PCDHA10: variants seen among roughly 807,000 people sequenced by gnomAD.
The protein encoded by PCDHA10 is protocadherin alpha 10, also known as protocadherin alpha-10.
A neutral mutation model predicts 61.2 loss-of-function variants in PCDHA10; 45 were observed. The observed-to-expected ratio is 0.74, with a 90% CI of 0.58 to 0.94. The LOEUF (loss-of-function observed/expected upper bound fraction) is 0.94. Ranked by LOEUF, PCDHA10 falls within the 40% of genes least tolerant of loss-of-function variation. The pLI is 0.00. For missense variants in PCDHA10, 1,278 were observed against 1,236.2 expected (o/e 1.03, Z -0.51); for synonymous variants, 602 against 548.8 (o/e 1.10, Z -1.35).
intron 1 of PCDHA10, chr5:140,877,279 T>G (rs782432213): frequency 1.2e-6 from 2 of 1,613,820 alleles, no homozygotes; most frequent in Non-Finnish European, 1.7e-6. Flanking sequence ...TGACTCCGGC[T>G]ATAACGCTTG....
chr5:140,995,788 T>C (rs1327222255), intron 3 of PCDHA10, among the ~76,000 whole-genome samples: 1 of 152,154 alleles, frequency 6.6e-6, no homozygotes, highest in Non-Finnish European at 1.5e-5. Context: ...GGTTTAAAAT[T>C]TGTCTCATGT....
chr5:140,869,838 A>G, intron 1 of PCDHA10: 6 of 1,611,734 alleles, frequency 3.7e-6, no homozygotes, highest in Non-Finnish European at 5.1e-6. Context: ...TTGATAAATC[A>G]GAATATAAGG....
rs781970935 is a variant in PCDHA10 at position 140,982,505 on chromosome 5, A to G, written c.2478A>G (p.Leu826=). The change falls in exon 3 of 4, where the codon CTA becomes CTG. Residue 826 remains leucine (L), a synonymous_variant. Coordinates refer to ENST00000307360, the MANE Select transcript of PCDHA10 (RefSeq NM_018901.4). ...TGCACCTAGAGGAGGCTGGCATTCT[A>G]CGGGCTGGTCCAGGAGGGCCTGATC... ...SSVHLEEAGI[L]RAGPGGPDQQ... The G allele has an allele frequency of 1.2e-6, 2 of 1,614,220 alleles. No homozygotes were observed. The highest frequency in any genetic ancestry group is 8.5e-7 in the Non-Finnish European group (1 of 1,180,032).
At position 140,964,709 on chromosome 5, in the gene PCDHA10, A is replaced by G. The variant is rs115609419; in HGVS notation, c.2389-14240A>G. On this transcript the variant is annotated intron_variant, in intron 1 of 3. Coordinates refer to ENST00000307360, the MANE Select transcript of PCDHA10 (RefSeq NM_018901.4). ...CACTTGAGAGATTAAGGCCTCCGAG[A>G]TCAAATTACCACAGCAAACTGAGAC... is the stretch of plus-strand genomic sequence containing the variant. Among the ~76,000 whole-genome samples the G allele has an allele frequency of 4.5e-3, 689 of 152,134 alleles. 3 individuals are homozygous for G. Among genetic ancestry groups the G allele is most frequent in the African/African-American group, 0.016 (667 of 41,492 alleles).
At chr5:140,871,595 C>A in intron 1 of PCDHA10, 1 of 1,454,324 alleles carries the variant, frequency 6.9e-7, no homozygotes, top group South Asian at 1.5e-5. Context: ...TTATGAATAA[C>A]CAGTGTTTTG....
In PCDHA10 at chr5:140,856,803, A is replaced by C. The variant is rs782347816; in HGVS notation, c.755A>C (p.Glu252Ala). Residue 252 changes from glutamate (E) to alanine (A), a missense_variant, in exon 1 of 4, where the codon GAA (glutamate) becomes GCA (alanine). Glu to Ala is a moderately radical substitution (Grantham distance 107, BLOSUM62 -1). Coordinates refer to ENST00000307360, the MANE Select transcript of PCDHA10 (RefSeq NM_018901.4). Reference protein sequence around the residue: ...DRPVYEVKMYENQVNQTLVIR... With the variant: ...DRPVYEVKMYANQVNQTLVIR... ...CCGGTTTATGAAGTTAAGATGTATGAAAATCAAGTGAACCAAACATTAGTA... is the reference window on the plus strand; with the variant it reads ...CCGGTTTATGAAGTTAAGATGTATGCAAATCAAGTGAACCAAACATTAGTA... 9.4e-6 allele frequency: 15 copies of C among 1,595,568 alleles called. 2 individuals are homozygous for C. In the Admixed American group the frequency reaches 1.2e-4, roughly 13 times the overall value.
At chr5:141,001,261 CTT>C (rs1437571267) in intron 3 of PCDHA10, among the ~76,000 whole-genome samples, 1 of 152,062 alleles carries the variant, frequency 6.6e-6, no homozygotes, top group East Asian at 1.9e-4. Flanking sequence ...GGCGGGCACT[CTT>C]ATGAACTTTT....
Position 140,967,485 on chromosome 5 carries a change from C to T in PCDHA10, c.2389-11464C>T, listed in dbSNP as rs781948599. 7 of 1,613,056 alleles carry T rather than the reference C, an allele frequency of 4.3e-6. No individual in the cohort carries two copies. The South Asian group carries it at 5.5e-5, about 13-fold the overall frequency. On this transcript the variant is annotated intron_variant, in intron 1 of 3. Coordinates refer to ENST00000307360, the MANE Select transcript of PCDHA10 (RefSeq NM_018901.4). ...GGGGGCATCCCAGCCCGCTCGGGTA[C>T]GGCACAGATCTCTGTGCGTGTCCTG...
At chr5:140,966,253 G>A in intron 1 of PCDHA10, 1 of 328,324 alleles carries the variant, frequency 3.0e-6, no homozygotes, top group South Asian at 1.5e-4. Context: ...GGGGAGAGAC[G>A]GTGGAGACTG....
chr5:140,871,044 A>G, intron 1 of PCDHA10: 1 of 1,613,304 alleles, frequency 6.2e-7, no homozygotes, highest in Non-Finnish European at 8.5e-7. Flanking sequence ...ACCGACTTCT[A>G]GTACTGGTGA....
In PCDHA10 at chr5:140,870,787, C is replaced by T. The variant is rs782200395; in HGVS notation, c.2388+12351C>T. On this transcript the variant is annotated intron_variant, in intron 1 of 3. Transcript: ENST00000307360. ...CGTGCTGGACGAGAACGACAACGCG[C>T]CGGCACTGCTGGCGACTCAGGCTGG... 6.2e-7 allele frequency: 1 copy of T among 1,613,638 alleles called. No homozygotes were observed. Among genetic ancestry groups the T allele is most frequent in the Admixed American group, 1.7e-5 (1 of 60,028 alleles).
At chr5:140,917,014 T>C (rs1272670553) in intron 1 of PCDHA10, among the ~76,000 whole-genome samples, 1 of 152,168 alleles carries the variant, frequency 6.6e-6, no homozygotes, top group Non-Finnish European at 1.5e-5. Context: ...TCTCCCTTCA[T>C]GTGCAGCTGC....
chr5:141,001,489 T>C (rs2098020927), intron 3 of PCDHA10, among the ~76,000 whole-genome samples: 3 of 152,236 alleles, frequency 2.0e-5, no homozygotes. Context: ...GTGCTGGAAA[T>C]GCTAGCCCAG....
intron 1 of PCDHA10, chr5:140,870,708 C>G (rs781841032): frequency 1.8e-5 from 29 of 1,612,898 alleles, no homozygotes; most frequent in Non-Finnish European, 2.5e-5. Context: ...TCCAGGTGAG[C>G]GCGCGCGATG....
intron 1 of PCDHA10, among the ~76,000 whole-genome samples, chr5:140,909,018 A>AT: frequency 6.6e-6 from 1 of 152,230 alleles, no homozygotes; most frequent in East Asian, 1.9e-4. Context: ...AGGTTCCTGA[A>AT]TTTTAGTCAT....
At chr5:140,950,872 T>C (rs782492363) in intron 1 of PCDHA10, among the ~76,000 whole-genome samples, 14 of 152,210 alleles carry the variant, frequency 9.2e-5, no homozygotes, top group Middle Eastern at 3.4e-3. Context: ...ATATTCTATA[T>C]TGTTCAATAG....
intron 1 of PCDHA10, among the ~76,000 whole-genome samples, chr5:140,938,945 T>A (rs1390189208): frequency 6.6e-6 from 1 of 152,154 alleles, no homozygotes; most frequent in African/African-American, 2.4e-5. Context: ...TCCATTCTTA[T>A]AATGCTCTAG....
chr5:140,925,395 G>A (rs1451043717), intron 1 of PCDHA10, among the ~76,000 whole-genome samples: 1 of 151,998 alleles, frequency 6.6e-6, no homozygotes, highest in African/African-American at 2.4e-5. Context: ...CTTTTGGCTC[G>A]CCTCCTTCTT....
chr5:140,987,012 G>A (rs2097222470), intron 3 of PCDHA10, among the ~76,000 whole-genome samples: 1 of 151,994 alleles, frequency 6.6e-6, no homozygotes. Context: ...TCATGAGTTC[G>A]AGACCAGCCT....
Sources: allele counts gnomAD v4.1 joint callset (sites outside exome capture counted in the v4.1 genomes callset), GRCh38; gene constraint gnomAD v4.1.1; transcripts MANE v1.5; gene names NCBI Gene and HGNC (gene_info 2026-07-23, HGNC 2026-07-21).